Variants in GGNBP2 observed in about 807,000 individuals in gnomAD.
GGNBP2 encodes the protein gametogenetin binding protein 2, also known as gametogenetin-binding protein 2.
A neutral mutation model predicts 85.9 loss-of-function variants in GGNBP2; 10 were observed. The observed-to-expected ratio is 0.12, with a 90% CI of 0.07 to 0.20. The LOEUF (loss-of-function observed/expected upper bound fraction) is 0.20. Among genes scored for constraint, GGNBP2 ranks in the 10% least tolerant of loss-of-function variants. GGNBP2 has a pLI of 1.00. For synonymous variants in GGNBP2, 287 were observed against 285.7 expected (o/e 1.00, Z -0.05); for missense variants, 595 against 857.8 (o/e 0.69, Z 3.83).
intron 5 of GGNBP2, among the ~76,000 whole-genome samples, chr17:36,567,418 G>A (rs1242965297): frequency 6.6e-6 from 1 of 152,150 alleles, no homozygotes; most frequent in East Asian, 1.9e-4. Flanking sequence ...TTATCTCAGT[G>A]TCACTAAGCT....
intron 9 of GGNBP2, among the ~76,000 whole-genome samples, chr17:36,583,770 G>A (rs1217093400): frequency 6.6e-6 from 1 of 152,146 alleles, no homozygotes; most frequent in Non-Finnish European, 1.5e-5. Context: ...GCTGGGAGCA[G>A]TATTTTAATA....
At position 36,586,871 on chromosome 17, in the gene GGNBP2, G is replaced by A; in HGVS notation, c.1642-126G>A. On this transcript the variant is annotated intron_variant, in intron 12 of 13. Coordinates refer to ENST00000613102, the MANE Select transcript of GGNBP2 (RefSeq NM_024835.5). The stretch of plus-strand genomic sequence containing the variant: ...TGACCTCAGGTGATCCACCTGCCTC[G>A]GCCTCCCAAAATGTTGAGATTGTAG... The A allele has an allele frequency of 1.2e-5, 11 of 902,100 alleles. No homozygotes were observed. In the South Asian group the frequency reaches 1.3e-4, roughly 10 times the overall value. The allele number at this position is 902,100 out of a possible 1,614,324, so 55.9% of individuals were successfully genotyped here.
At chr17:36,546,234 G>A (rs2074253646) in intron 2 of GGNBP2, 2 of 341,582 alleles carry the variant, frequency 5.9e-6, no homozygotes, top group Non-Finnish European at 1.1e-5. Flanking sequence ...TGTATTTTCT[G>A]TTTTAATACT....
At position 36,551,277 on chromosome 17, in the gene GGNBP2, G is replaced by GCTCA. The variant is rs2074306219; in HGVS notation, c.94-3541_94-3538dup. On this transcript the variant is annotated intron_variant, in intron 2 of 13. Coordinates refer to ENST00000613102, the MANE Select transcript of GGNBP2 (RefSeq NM_024835.5). ...GCTGGCGTGCAATGGCACGATCTTGGCTCACCACAACCTCCGCCTTCTGGG... is the reference window on the plus strand; with the variant it reads ...GCTGGCGTGCAATGGCACGATCTTGGCTCACTCACCACAACCTCCGCCTTCTGGG... 2.0e-5 allele frequency among the ~76,000 whole-genome samples: 3 copies of GCTCA among 151,800 alleles called. No individual in the cohort carries two copies. The South Asian group carries it at 6.3e-4, about 32-fold the overall frequency.
chr17:36,553,427 A>G (rs1465604377), intron 2 of GGNBP2, among the ~76,000 whole-genome samples: 1 of 152,104 alleles, frequency 6.6e-6, no homozygotes, highest in Non-Finnish European at 1.5e-5. Context: ...ATGAGGCCTC[A>G]TTTTGCTGTT....
chr17:36,585,491 A>G lies in GGNBP2; in HGVS notation c.1366+41A>G, dbSNP rs778846657. 14 of 1,366,084 alleles carry G rather than the reference A, an allele frequency of 1.0e-5. 1 individual carries two copies. Among genetic ancestry groups the G allele is most frequent in the South Asian group, 7.8e-5 (6 of 76,908 alleles). The allele number at this position is 1,366,084 out of a possible 1,614,324, so 84.6% of individuals were successfully genotyped here. A position where few individuals can be genotyped will look rare whatever the true frequency, so the allele number is the denominator to read the frequency against. On this transcript the variant is annotated intron_variant, in intron 10 of 13. Transcript: ENST00000613102. ...CTTTTTAAAATGAACTCTTAACTCT[A>G]TTCTTTCTTACTGTTAAATGTAAGA...
chr17:36,554,952 C>G, intron 3 of GGNBP2, 52 bp downstream of exon 3: 1 of 1,090,504 alleles, frequency 9.2e-7, no homozygotes, highest in Non-Finnish European at 1.4e-6. Context: ...ATTTTAAAGA[C>G]TCATTTAAAA....
At chr17:36,587,423 A>G (rs1164428524) in intron 13 of GGNBP2, 178 bp downstream of exon 13, 3 of 682,532 alleles carry the variant, frequency 4.4e-6, no homozygotes, top group East Asian at 2.5e-5. Context: ...GGTTTATGCA[A>G]CTACTCTGGA....
At chr17:36,588,360 C>T (rs1010258959) in intron 13 of GGNBP2, among the ~76,000 whole-genome samples, 1 of 152,006 alleles carries the variant, frequency 6.6e-6, no homozygotes, top group Non-Finnish European at 1.5e-5. Flanking sequence ...CAGGTTCAAG[C>T]GATTCTCTGG....
chr17:36,580,096 T>C (rs2074631741), intron 8 of GGNBP2, among the ~76,000 whole-genome samples: 1 of 152,234 alleles, frequency 6.6e-6, no homozygotes. Context: ...AAGCAGGAAA[T>C]GTTAAAACCT....
At chr17:36,561,461 C>T (rs1183953510) in intron 5 of GGNBP2, among the ~76,000 whole-genome samples, 8 of 151,896 alleles carry the variant, frequency 5.3e-5, no homozygotes, top group African/African-American at 9.7e-5. Context: ...CTAATATGAA[C>T]GTTTTCAAAG....
intron 13 of GGNBP2, 119 bp from the exon 14 acceptor site, chr17:36,589,089 C>T (rs2074732687): frequency 1.4e-6 from 1 of 697,834 alleles, no homozygotes; most frequent in African/African-American, 1.8e-5. Context: ...CAATTAAAGG[C>T]TTTATGTGAC....
In GGNBP2 at chr17:36,578,033, T is replaced by C. The variant is rs201268453; in HGVS notation, c.692T>C (p.Ile231Thr). 5.8e-5 allele frequency: 94 copies of C among 1,614,098 alleles called. 1 individual carries two copies. The highest frequency in any genetic ancestry group is 7.8e-5 in the Non-Finnish European group (92 of 1,180,052). The change falls in exon 7 of 14, where the codon ATT becomes ACT. Residue 231 changes from isoleucine (I) to threonine (T), a missense_variant. Ile to Thr is a moderately conservative substitution (Grantham distance 89). Around this residue, in one of 9 missense-constraint regions of GGNBP2, gnomAD observed 216 missense variants for 293.4 expected, o/e 0.74. Transcript: ENST00000613102. Reference protein sequence around the residue: ...NKVLRAYNILIGELDCSKEKG... With the variant: ...NKVLRAYNILTGELDCSKEKG... ...GTCCTCCGAGCATACAATATCCTTATTGGTGAACTTGACTGCAGCAAAGAA... is the reference window on the plus strand; with the variant it reads ...GTCCTCCGAGCATACAATATCCTTACTGGTGAACTTGACTGCAGCAAAGAA...
At chr17:36,559,734 C>T (rs1181436675) in intron 4 of GGNBP2, among the ~76,000 whole-genome samples, 1 of 152,202 alleles carries the variant, frequency 6.6e-6, no homozygotes, top group Non-Finnish European at 1.5e-5. Context: ...TTGCAGTTGA[C>T]TAAGCTAGAG....
chr17:36,559,616 A>G (rs914300053), intron 4 of GGNBP2, among the ~76,000 whole-genome samples: 5 of 152,174 alleles, frequency 3.3e-5, no homozygotes, highest in African/African-American at 1.2e-4. Flanking sequence ...GAACAGAGGA[A>G]TAATGTAATC....
intron 9 of GGNBP2, among the ~76,000 whole-genome samples, chr17:36,584,481 G>A (rs1424537880): frequency 6.6e-6 from 1 of 152,114 alleles, no homozygotes; most frequent in East Asian, 1.9e-4. Flanking sequence ...GGGATTACAT[G>A]CGCCTGCCAC....
intron 4 of GGNBP2, among the ~76,000 whole-genome samples, chr17:36,559,610 A>C (rs2074397977): frequency 6.6e-6 from 1 of 152,190 alleles, no homozygotes; most frequent in Non-Finnish European, 1.5e-5. Context: ...GTTTTTGAAC[A>C]GAGGAATAAT....
At chr17:36,567,128 G>A (rs2074476355) in intron 5 of GGNBP2, among the ~76,000 whole-genome samples, 2 of 151,890 alleles carry the variant, frequency 1.3e-5, no homozygotes, top group African/African-American at 2.4e-5. Flanking sequence ...TAATTTTTTC[G>A]GTCATTTTGA....
rs184160673 is a variant in GGNBP2, at chr17:36,581,066, C to T, written c.1021-278C>T. 3.9e-3 allele frequency among the ~76,000 whole-genome samples: 595 copies of T among 151,850 alleles called. 9 individuals are homozygous for T. The highest frequency in any genetic ancestry group is 0.013 in the African/African-American group (558 of 41,396). ...TCGGGAGGCTGAGGCGGGTGGATCA[C>T]GAGGTCAGGAGATCGAGACCATCCT... is the stretch of plus-strand genomic sequence containing the variant. On this transcript the variant is annotated intron_variant, in intron 8 of 13. Coordinates refer to ENST00000613102, the MANE Select transcript of GGNBP2 (RefSeq NM_024835.5).
Sources: gnomAD v4.1 joint callset for allele counts (sites outside exome capture counted in the v4.1 genomes callset) on GRCh38, gnomAD v4.1.1 for gene constraint, gnomAD v4.1.1 regional missense constraint, MANE v1.5 for transcripts, NCBI Gene and HGNC (gene_info 2026-07-23, HGNC 2026-07-21) for gene names.